Variants in JPH1 observed in about 807,000 individuals in gnomAD.
JPH1 encodes junctophilin 1.
A neutral mutation model predicts 53.6 loss-of-function variants in JPH1; 12 were observed. The ratio of observed to expected loss-of-function variants is 0.22; its 90% CI spans 0.14 to 0.36. The LOEUF is 0.36. JPH1 is among the 10% of genes least tolerant of loss of function. JPH1 has a pLI of 1.00. For missense variants in JPH1, 808 were observed against 905.5 expected (o/e 0.89, Z 1.38); for synonymous variants, 375 against 363.8 (o/e 1.03, Z -0.35).
intron 2 of JPH1, among the ~76,000 whole-genome samples, chr8:74,292,775 A>T (rs1377100964): frequency 6.6e-6 from 1 of 152,194 alleles, no homozygotes; most frequent in Non-Finnish European, 1.5e-5. Flanking sequence ...TGAGGTAGCA[A>T]CACAGAAATG....
At chr8:74,237,554 C>T (rs1160590020) in intron 4 of JPH1, among the ~76,000 whole-genome samples, 1 of 152,230 alleles carries the variant, frequency 6.6e-6, no homozygotes, top group Non-Finnish European at 1.5e-5. Context: ...AACTGATCCA[C>T]TTCATTCACC....
chr8:74,282,941 ATG>A (rs1345919746), intron 2 of JPH1, among the ~76,000 whole-genome samples: 2 of 152,240 alleles, frequency 1.3e-5, no homozygotes, highest in African/African-American at 4.8e-5. Context: ...GTACAATTAT[ATG>A]TGTCATTTAA....
intron 2 of JPH1, among the ~76,000 whole-genome samples, chr8:74,276,066 A>G (rs753666452): frequency 6.6e-6 from 1 of 152,206 alleles, no homozygotes; most frequent in Non-Finnish European, 1.5e-5. Context: ...TAAATGAATG[A>G]AAGGGTTATG....
chr8:74,274,061 C>T (rs575696869), intron 2 of JPH1, among the ~76,000 whole-genome samples: 25 of 152,274 alleles, frequency 1.6e-4, no homozygotes, highest in African/African-American at 5.3e-4. Context: ...GCCTGCTCTG[C>T]GAAGAAACAC....
chr8:74,297,194 C>T (rs1035335486), intron 2 of JPH1, among the ~76,000 whole-genome samples: 2 of 152,216 alleles, frequency 1.3e-5, no homozygotes, highest in African/African-American at 4.8e-5. Context: ...ACACACCCAA[C>T]ACCTGGCTGT....
intron 2 of JPH1, among the ~76,000 whole-genome samples, chr8:74,282,405 C>T (rs1049862106): frequency 6.6e-6 from 1 of 152,028 alleles, no homozygotes; most frequent in Non-Finnish European, 1.5e-5. Flanking sequence ...TATTCCATAC[C>T]CTATTGGAAA....
Position 74,321,348 on chromosome 8 carries a change from G to T in JPH1, c.-61C>A. ...ACGGACGCGGGCAGTGCTGGGCACG[G>T]CAGGGTGTAGCTCGGGGGTGGGGGC... On this transcript the variant is annotated 5_prime_UTR_variant, in exon 1 of 6. Transcript: ENST00000342232. The surrounding 1 kb of genome is among the most constrained non-coding windows in gnomAD (Gnocchi z 4.3). 1.4e-6 allele frequency: 2 copies of T among 1,430,620 alleles called. No individual in the cohort carries two copies. The highest frequency in any genetic ancestry group is 9.1e-7 in the Non-Finnish European group (1 of 1,094,248). The allele number at this position is 1,430,620 out of a possible 1,614,324, so 88.6% of individuals were successfully genotyped here. A position where few individuals can be genotyped will look rare whatever the true frequency, so the allele number is the denominator to read the frequency against.
intron 2 of JPH1, among the ~76,000 whole-genome samples, chr8:74,278,378 T>C (rs1465397675): frequency 6.6e-6 from 1 of 152,174 alleles, no homozygotes; most frequent in African/African-American, 2.4e-5. Context: ...ATAGCCAGGA[T>C]TCACTGGTCC....
intron 3 of JPH1, among the ~76,000 whole-genome samples, chr8:74,259,166 T>C (rs1372917369): frequency 3.3e-5 from 5 of 152,226 alleles, no homozygotes; most frequent in East Asian, 1.9e-4. Flanking sequence ...ACTGTGTACA[T>C]GCAAATACAG....
chr8:74,299,061 G>T (rs73343355), intron 2 of JPH1, among the ~76,000 whole-genome samples: 5,656 of 152,170 alleles, frequency 0.037, 339 homozygotes, highest in African/African-American at 0.13. Flanking sequence ...CTTTGAGGGG[G>T]TTTTTTTCTC....
chr8:74,243,220 A>G (rs1306879843), intron 4 of JPH1, among the ~76,000 whole-genome samples: 2 of 152,246 alleles, frequency 1.3e-5, no homozygotes, highest in South Asian at 2.1e-4. Context: ...AACAAATTCA[A>G]TAGTGATTAT....
At chr8:74,242,125 C>T (rs751197124) in intron 4 of JPH1, among the ~76,000 whole-genome samples, 17 of 152,094 alleles carry the variant, frequency 1.1e-4, no homozygotes, top group African/African-American at 1.9e-4. Context: ...CTCTCATACT[C>T]GAGTTAACTA....
At chr8:74,245,932 A>AAG (rs2131378594) in intron 3 of JPH1, among the ~76,000 whole-genome samples, 1 of 149,238 alleles carries the variant, frequency 6.7e-6, no homozygotes, top group South Asian at 2.1e-4. Context: ...AAAAAAAAAA[A>AAG]GTGGCCCTGC....
intron 4 of JPH1, among the ~76,000 whole-genome samples, chr8:74,239,608 C>T (rs896746371): frequency 6.6e-6 from 1 of 152,138 alleles, no homozygotes; most frequent in East Asian, 1.9e-4. Flanking sequence ...TGGAGACGAT[C>T]TTTCAATGTC....
At chr8:74,299,094 G>A (rs76564824) in intron 2 of JPH1, among the ~76,000 whole-genome samples, 1,627 of 152,204 alleles carry the variant, frequency 0.011, 23 homozygotes, top group African/African-American at 0.037. Flanking sequence ...ATCATTAGAT[G>A]GGGTCTTCTC....
chr8:74,281,916 G>C (rs1159578861), intron 2 of JPH1, among the ~76,000 whole-genome samples: 1 of 152,180 alleles, frequency 6.6e-6, no homozygotes, highest in Non-Finnish European at 1.5e-5. Context: ...GATGGGGAAA[G>C]GCTACGCAGA....
intron 2 of JPH1, among the ~76,000 whole-genome samples, chr8:74,267,395 T>C (rs559345595): frequency 2.2e-4 from 34 of 152,318 alleles, no homozygotes; most frequent in Admixed American, 4.6e-4. Flanking sequence ...TCACAGTTCT[T>C]GTTCTTGCAT....
intron 2 of JPH1, among the ~76,000 whole-genome samples, chr8:74,273,084 T>C (rs1806752492): frequency 6.6e-6 from 1 of 152,216 alleles, no homozygotes; most frequent in Non-Finnish European, 1.5e-5. Flanking sequence ...ACCTAGATTA[T>C]TTTTAAAATC....
chr8:74,240,554 C>T (rs1015855264), intron 4 of JPH1, among the ~76,000 whole-genome samples: 1 of 152,126 alleles, frequency 6.6e-6, no homozygotes, highest in African/African-American at 2.4e-5. Context: ...ACATCATGAC[C>T]AGATGTTGGA....
Sources: allele counts gnomAD v4.1 joint callset (sites outside exome capture counted in the v4.1 genomes callset), GRCh38; gene constraint gnomAD v4.1.1; non-coding constraint Gnocchi (gnomAD v3.1); transcripts MANE v1.5; gene names NCBI Gene and HGNC (gene_info 2026-07-23, HGNC 2026-07-21).